The following TENM1 variants were observed in gnomAD, a reference collection of about 807,000 sequenced individuals.
TENM1 encodes teneurin-1.
Under a neutral mutation model 174.8 loss-of-function variants are expected in TENM1, and 35 were observed. The observed-to-expected ratio is 0.20, with a 90% confidence interval of 0.15 to 0.27. The LOEUF is 0.27. Among genes scored for constraint, TENM1 ranks in the 10% least tolerant of loss-of-function variants. The probability of loss-of-function intolerance (pLI) is 1.00; values close to 1 mark genes in which losing one functional copy is unlikely to be tolerated. For synonymous variants in TENM1, 781 were observed against 798.7 expected (o/e 0.98, Z 0.37); for missense variants, 1,633 against 2,130.1 (o/e 0.77, Z 4.59).
At chrX:124,676,162 A>G (rs974095744) in intron 5 of TENM1, among the ~76,000 whole-genome samples, 8 of 98,838 alleles carry the variant, frequency 8.1e-5, no homozygotes, top group Admixed American at 2.3e-4. Context: ...CAGAATATAT[A>G]CCTCCAAATG....
At chrX:124,821,309 T>A (rs1332814551) in intron 3 of TENM1, among the ~76,000 whole-genome samples, 1 of 111,805 alleles carries the variant, frequency 8.9e-6, no homozygotes, top group Non-Finnish European at 1.9e-5. Flanking sequence ...GAAAAGTTGC[T>A]TAAAAATAGA....
chrX:124,997,511 T>C, the TENM1 span, among the ~76,000 whole-genome samples: 2 of 111,586 alleles, frequency 1.8e-5, no homozygotes, highest in African/African-American at 6.5e-5. Flanking sequence ...CAGATGTACA[T>C]AGTGATTTGG....
At chrX:124,935,048 A>C (rs761631087) in intron 1 of TENM1, among the ~76,000 whole-genome samples, 1 of 109,516 alleles carries the variant, frequency 9.1e-6, no homozygotes, top group Non-Finnish European at 1.9e-5. Context: ...GAAGGATTAA[A>C]TTAATGCTTT....
At chrX:124,740,983 G>A (rs374191454) in intron 3 of TENM1, among the ~76,000 whole-genome samples, 3 of 111,316 alleles carry the variant, frequency 2.7e-5, no homozygotes, top group East Asian at 5.7e-4. Context: ...TACTTACAAA[G>A]CTTTCTGAAA....
chrX:124,487,437 C>T (rs748753418), intron 20 of TENM1, among the ~76,000 whole-genome samples: 3 of 112,005 alleles, frequency 2.7e-5, no homozygotes, highest in African/African-American at 9.7e-5. Context: ...GGTGTCAAGG[C>T]GATTGCATAT....
At chrX:124,586,217 G>A (rs909775549) in intron 11 of TENM1, among the ~76,000 whole-genome samples, 2 of 110,865 alleles carry the variant, frequency 1.8e-5, no homozygotes, top group East Asian at 2.8e-4. Flanking sequence ...TACCAAAGCC[G>A]GGCAGACACA....
At chrX:125,033,396 C>T in the TENM1 span, among the ~76,000 whole-genome samples, 1 of 111,221 alleles carries the variant, frequency 9.0e-6, no homozygotes, top group Non-Finnish European at 1.9e-5. Context: ...TGAAAAAAAC[C>T]CCAAAAACTC....
intron 3 of TENM1, among the ~76,000 whole-genome samples, chrX:124,873,778 A>T (rs1225039896): frequency 9.0e-6 from 1 of 111,166 alleles, no homozygotes; most frequent in Non-Finnish European, 1.9e-5. Context: ...AATTTCAGAC[A>T]CCCATAAAAG....
At chrX:124,834,328 C>T (rs1467124846) in intron 3 of TENM1, among the ~76,000 whole-genome samples, 2 of 111,145 alleles carry the variant, frequency 1.8e-5, no homozygotes, top group East Asian at 2.8e-4. Context: ...CCTGCCACCA[C>T]GCCCGGCTAA....
At chrX:124,554,518 G>T (rs1043534930) in intron 14 of TENM1, among the ~76,000 whole-genome samples, 1 of 112,187 alleles carries the variant, frequency 8.9e-6, no homozygotes. Flanking sequence ...AAAATTAAAG[G>T]GGTATGGTGA....
At chrX:124,714,219 C>A (rs2053127544) in intron 4 of TENM1, among the ~76,000 whole-genome samples, 1 of 111,377 alleles carries the variant, frequency 9.0e-6, no homozygotes, top group African/African-American at 3.3e-5. Context: ...TCAGGTTACA[C>A]AATTGGTAAA....
the TENM1 span, among the ~76,000 whole-genome samples, chrX:125,109,028 T>C: frequency 9.0e-6 from 1 of 111,232 alleles, no homozygotes; most frequent in South Asian, 3.8e-4. Context: ...TGCTCCCCTG[T>C]CTCAAATGTC....
intron 1 of TENM1, 123 bp downstream of exon 4, chrX:124,963,414 T>C (rs2058684053): frequency 1.7e-6 from 1 of 579,946 alleles, no homozygotes; most frequent in Non-Finnish European, 2.8e-6. Context: ...TCTGAGCATA[T>C]ATAAGCAGTG....
chrX:124,865,045 A>C (rs761920011), intron 3 of TENM1, among the ~76,000 whole-genome samples: 2 of 111,517 alleles, frequency 1.8e-5, no homozygotes, highest in Non-Finnish European at 3.8e-5. Flanking sequence ...GGAGAAACAA[A>C]GGCTTCCCCA....
intron 5 of TENM1, among the ~76,000 whole-genome samples, chrX:124,672,789 T>G (rs765374394): frequency 2.7e-5 from 3 of 111,694 alleles, no homozygotes; most frequent in Non-Finnish European, 3.8e-5. Context: ...ATGGGAAATA[T>G]TCATAAGGTA....
At chrX:124,827,286 T>G (rs186288768) in intron 3 of TENM1, among the ~76,000 whole-genome samples, 1 of 111,794 alleles carries the variant, frequency 8.9e-6, no homozygotes, top group East Asian at 2.8e-4. Flanking sequence ...CCTGACCTCA[T>G]GATCTGCCCG....
At chrX:124,562,092 G>A (rs1013623761) in intron 13 of TENM1, among the ~76,000 whole-genome samples, 1 of 111,531 alleles carries the variant, frequency 9.0e-6, no homozygotes, top group African/African-American at 3.3e-5. Flanking sequence ...ACTATGGCAG[G>A]GGCAAGAATT....
chrX:124,748,574 AGT>A (rs1273905332), intron 3 of TENM1, among the ~76,000 whole-genome samples: 1 of 111,247 alleles, frequency 9.0e-6, no homozygotes, highest in Non-Finnish European at 1.9e-5. Context: ...CAAAGAGGAG[AGT>A]GTCTTAGTTT....
chrX:124,437,026 C>T (rs1383081417), intron 23 of TENM1, among the ~76,000 whole-genome samples: 1 of 101,180 alleles, frequency 9.9e-6, no homozygotes, highest in African/African-American at 3.7e-5. Flanking sequence ...CTGCAACCTA[C>T]GCCTCCTGGG....
Sources: allele counts gnomAD v4.1 joint callset (sites outside exome capture counted in the v4.1 genomes callset), GRCh38; gene constraint gnomAD v4.1.1; transcripts MANE v1.5; gene names NCBI Gene and HGNC (gene_info 2026-07-23, HGNC 2026-07-21).